Variants in SNAPC1 observed in about 807,000 individuals in gnomAD.
The protein encoded by SNAPC1 is snRNA-activating protein complex subunit 1.
A neutral mutation model predicts 50.1 loss-of-function variants in SNAPC1; 42 were observed. The ratio of observed to expected loss-of-function variants is 0.84; its 90% CI spans 0.65 to 1.08. The LOEUF (loss-of-function observed/expected upper bound fraction) is 1.08. SNAPC1 is among the 50% of genes least tolerant of loss of function. The pLI is 0.00. For missense variants in SNAPC1, 477 were observed against 427.3 expected (o/e 1.12, Z -1.02); for synonymous variants, 164 against 144.2 (o/e 1.14, Z -0.98).
chr14:61,782,254 A>G lies in SNAPC1; in HGVS notation c.833A>G (p.Lys278Arg), dbSNP rs1439277893. The change falls in exon 8 of 10, where the codon AAA becomes AGA. Residue 278 changes from lysine to arginine, a missense_variant. Coordinates refer to ENST00000216294, the MANE Select transcript of SNAPC1 (RefSeq NM_003082.4). ...TGGATTGTAACTCTTAAGGCATCCA[A>G]ATCAAGAAGGCATCGTCAAGTCAAA... Reference protein sequence around the residue: ...KAFSVVIQASKSRRHRQVKLD... With the variant: ...KAFSVVIQASRSRRHRQVKLD... The G allele has an allele frequency of 1.3e-6, 2 of 1,592,608 alleles. No homozygotes were observed. The highest frequency in any genetic ancestry group is 1.7e-6 in the Non-Finnish European group (2 of 1,173,586).
rs908076651 is a variant in SNAPC1 at position 61,776,261 on chromosome 14, A to C, written c.693+8A>C. On this transcript the variant is annotated splice_region_variant and intron_variant, in intron 5 of 9. Transcript: ENST00000216294. ...TGGCACAAAGACAGAAAGGTATGCA[A>C]TCACTTGTTTGGTGCCTCACCATTG... The C allele has an allele frequency of 6.2e-7, 1 of 1,607,908 alleles. No homozygotes were observed. The highest frequency in any genetic ancestry group is 1.3e-5 in the African/African-American group (1 of 74,698).
Position 61,776,086 on chromosome 14 carries a change from TGC to T in SNAPC1, c.535-8_535-7del, listed in dbSNP as rs1380039726. ...TGAAGAAATAAAGGACTCATCTTTT[TGC>T]TTTTAGGAAATGCTGAATGTTCATG... On this transcript the variant is annotated splice_region_variant and splice_polypyrimidine_tract_variant and intron_variant, in intron 4 of 9. Coordinates refer to ENST00000216294, the MANE Select transcript of SNAPC1 (RefSeq NM_003082.4). 6.4e-7 allele frequency: 1 copy of T among 1,569,856 alleles called. No individual in the cohort carries two copies. The highest frequency in any genetic ancestry group is 1.2e-5 in the South Asian group (1 of 84,106).
At chr14:61,776,390 A>C in intron 5 of SNAPC1, 137 bp downstream of exon 5, 1 of 727,450 alleles carries the variant, frequency 1.4e-6, no homozygotes, top group African/African-American at 1.8e-5. Context: ...TGGCTTTTCT[A>C]GTTCCACTTT....
intron 1 of SNAPC1, among the ~76,000 whole-genome samples, chr14:61,762,925 G>C (rs2044917553): frequency 7.0e-6 from 1 of 142,446 alleles, no homozygotes; most frequent in African/African-American, 2.6e-5. Context: ...AAACACACAA[G>C]CAAAGACAAA....
chr14:61,774,678 T>TTTTG lies in SNAPC1; in HGVS notation c.535-1417_535-1416insTTTG, dbSNP rs750612622. Among the ~76,000 whole-genome samples, 58 of 129,274 alleles carry TTTTG rather than the reference T, an allele frequency of 4.5e-4. 2 individuals carry two copies. The highest frequency in any genetic ancestry group is 1.6e-3 in the African/African-American group (52 of 32,578). 84.8% of individuals were successfully genotyped at this position (129,274 alleles called of 152,430 possible). ...TTTTTTTTTTTTTTTTTTTTTTTTT[T>TTTTG]GAGAGGCAGAGTTTCACTCTTGTTG... On this transcript the variant is annotated intron_variant, in intron 4 of 9. Coordinates refer to ENST00000216294, the MANE Select transcript of SNAPC1 (RefSeq NM_003082.4).
chr14:61,791,018 T>G, intron 8 of SNAPC1, among the ~76,000 whole-genome samples: 1 of 152,142 alleles, frequency 6.6e-6, no homozygotes. Flanking sequence ...TTTACTTTTT[T>G]GTTCCCTCCC....
Position 61,766,347 on chromosome 14 carries a change from C to A in SNAPC1, c.129-529C>A, listed in dbSNP as rs564464202. Among the ~76,000 whole-genome samples the A allele has an allele frequency of 9.1e-4, 139 of 152,312 alleles. 1 individual carries two copies. Among genetic ancestry groups the A allele is most frequent in the African/African-American group, 3.2e-3 (133 of 41,548 alleles). On this transcript the variant is annotated intron_variant, in intron 1 of 9. Transcript: ENST00000216294. ...TACAGAATGTGAAGTCCCGTTCCAG[C>A]CAATAGAAACCGGACACAGCAGTAA...
At chr14:61,763,149 G>A (rs765400385) in intron 1 of SNAPC1, among the ~76,000 whole-genome samples, 2 of 151,450 alleles carry the variant, frequency 1.3e-5, no homozygotes, top group African/African-American at 4.8e-5. Context: ...CCGGCACCAC[G>A]CCCGGTTAAT....
At chr14:61,793,882 C>T (rs2045170198) in intron 9 of SNAPC1, among the ~76,000 whole-genome samples, 1 of 152,146 alleles carries the variant, frequency 6.6e-6, no homozygotes, top group African/African-American at 2.4e-5. Context: ...TCTTGAACTC[C>T]TGACCTTAAG....
chr14:61,775,611 G>C (rs1277220282), intron 4 of SNAPC1, among the ~76,000 whole-genome samples: 1 of 152,160 alleles, frequency 6.6e-6, no homozygotes, highest in African/African-American at 2.4e-5. Context: ...AAGCTTATGG[G>C]AACAGGCACA....
At chr14:61,776,861 A>T (rs1366442507) in intron 5 of SNAPC1, among the ~76,000 whole-genome samples, 1 of 152,238 alleles carries the variant, frequency 6.6e-6, no homozygotes, top group Non-Finnish European at 1.5e-5. Flanking sequence ...CAGATCTTCA[A>T]CTTAGTTTAT....
chr14:61,777,953 A>G (rs934808237), intron 5 of SNAPC1, 119 bp from the exon 6 acceptor site: 2 of 551,080 alleles, frequency 3.6e-6, no homozygotes, highest in African/African-American at 2.0e-5. Flanking sequence ...AATGTGAATG[A>G]TCTTTTAGTT....
At chr14:61,775,527 T>A (rs2045029170) in intron 4 of SNAPC1, among the ~76,000 whole-genome samples, 1 of 152,150 alleles carries the variant, frequency 6.6e-6, no homozygotes, top group Non-Finnish European at 1.5e-5. Context: ...GTGCTGGGAT[T>A]ATAGGTGTGA....
At chr14:61,778,245 C>T (rs1335577735) in intron 6 of SNAPC1, 105 bp downstream of exon 6, 3 of 620,568 alleles carry the variant, frequency 4.8e-6, no homozygotes, top group Non-Finnish European at 8.1e-6. Flanking sequence ...AATTCTGAAT[C>T]ATGCTTCTGT....
rs1047873171 is a variant in SNAPC1 at position 61,794,979 on chromosome 14, A to G, written c.1103A>G (p.His368Arg). Residue 368 changes from histidine (H) to arginine (R), a missense_variant, in exon 10 of 10, where the codon CAC (histidine) becomes CGC (arginine). Physicochemically the swap from His to Arg is conservative, Grantham distance 29. Coordinates refer to ENST00000216294, the MANE Select transcript of SNAPC1 (RefSeq NM_003082.4). The stretch of plus-strand genomic sequence containing the variant: ...ACTGCATCCAAGAAGAGGAGAAAAC[A>G]CTGAACAAAGAGCCTGGTGTAGTTT... ...EFTASKKRRK[H>R] 1 of 1,576,188 alleles carries G rather than the reference A, an allele frequency of 6.3e-7. No individual in the cohort carries two copies. Among genetic ancestry groups the G allele is most frequent in the South Asian group, 1.2e-5 (1 of 84,790 alleles).
rs763495489 is a variant in SNAPC1, at chr14:61,766,897, A to G, written c.150A>G (p.Glu50=). Residue 50 remains glutamate (E), a synonymous_variant, in exon 2 of 10, where the codon GAA becomes GAG. Coordinates refer to ENST00000216294, the MANE Select transcript of SNAPC1 (RefSeq NM_003082.4). ...TTAGTGGCAGAATGAGAAATTTAGA[A>G]AAGAACATGTTTACAAAAGAAGCTT... ...TIFCGRMRNL[E]KNMFTKEALA... 4 of 1,609,228 alleles carry G rather than the reference A, an allele frequency of 2.5e-6. No individual in the cohort carries two copies. Among genetic ancestry groups the G allele is most frequent in the Non-Finnish European group, 2.6e-6 (3 of 1,176,028 alleles).
chr14:61,790,944 C>T (rs1378609953), intron 8 of SNAPC1, among the ~76,000 whole-genome samples: 1 of 152,194 alleles, frequency 6.6e-6, no homozygotes, highest in Non-Finnish European at 1.5e-5. Context: ...TAAAACTGCC[C>T]ACCTGAGACC....
intron 4 of SNAPC1, among the ~76,000 whole-genome samples, chr14:61,770,081 T>C (rs893898504): frequency 6.6e-6 from 1 of 152,204 alleles, no homozygotes; most frequent in Non-Finnish European, 1.5e-5. Flanking sequence ...GCCTAAATAG[T>C]GCTGAGTGTG....
chr14:61,795,561 T>C lies in SNAPC1; in HGVS notation c.*578T>C, dbSNP rs2045183357. On this transcript the variant is annotated 3_prime_UTR_variant, in exon 10 of 10. Coordinates refer to ENST00000216294, the MANE Select transcript of SNAPC1 (RefSeq NM_003082.4). ...TCTACTTCTGCAATTAAATATTCTT[T>C]AGTGCTTGTTTATTATTACTAAATA... 6.6e-6 allele frequency: 1 copy of C among 152,496 alleles called. No homozygotes were observed. Among genetic ancestry groups the C allele is most frequent in the African/African-American group, 2.4e-5 (1 of 41,446 alleles). The allele number at this position is 152,496 out of a possible 1,614,324, so 9.4% of individuals were successfully genotyped here. A position where few individuals can be genotyped will look rare whatever the true frequency, so the allele number is the denominator to read the frequency against.
Sources: gnomAD v4.1 joint callset for allele counts (sites outside exome capture counted in the v4.1 genomes callset) on GRCh38, gnomAD v4.1.1 for gene constraint, MANE v1.5 for transcripts, NCBI Gene and HGNC (gene_info 2026-07-23, HGNC 2026-07-21) for gene names.